KDM4B: variants seen among roughly 807,000 people sequenced by gnomAD.
The protein encoded by KDM4B is lysine demethylase 4B.
KDM4B carries 32 observed loss-of-function variants against 125.2 expected under a neutral mutation model. That is an observed-to-expected ratio of 0.26 (90% confidence interval 0.19 to 0.34). KDM4B has a LOEUF of 0.34. KDM4B is among the 10% of genes least tolerant of loss of function. KDM4B has a pLI of 1.00. For missense variants in KDM4B, 1,190 were observed against 1,577.7 expected (o/e 0.75, Z 4.16); for synonymous variants, 721 against 677.9 (o/e 1.06, Z -0.99).
At chr19:5,046,818 G>A (rs1383840804) in intron 5 of KDM4B, among the ~76,000 whole-genome samples, 2 of 152,178 alleles carry the variant, frequency 1.3e-5, no homozygotes, top group Non-Finnish European at 2.9e-5. Context: ...TTCTCCTTCC[G>A]TGTCATTGAC....
In KDM4B at chr19:5,135,372, T is replaced by A. The variant is rs1477472466; in HGVS notation, c.2119T>A (p.Ser707Thr). 1 of 1,613,238 alleles carries A rather than the reference T, an allele frequency of 6.2e-7. No homozygotes were observed. ...GACTGAGAAGGAGGCACCCATAGCC[T>A]CCCTCGGAGAGGGCTGCCCGGCCAC... ...LQTEKEAPIA[S>T]LGEGCPATLP... is the part of the protein sequence containing the mutation. Residue 707 changes from serine (S) to threonine (T), a missense_variant, in exon 15 of 23, where the codon TCC becomes ACC. Physicochemically the swap from Ser to Thr is moderately conservative, Grantham distance 58. Around this residue, in one of 7 missense-constraint regions of KDM4B, gnomAD observed 128 missense variants for 137.8 expected, o/e 0.93. Transcript: ENST00000159111.
intron 9 of KDM4B, among the ~76,000 whole-genome samples, chr19:5,104,187 C>T (rs1032218621): frequency 3.9e-5 from 6 of 152,268 alleles, no homozygotes; most frequent in Middle Eastern, 3.4e-3. Flanking sequence ...CCCTCCACCC[C>T]GGCAGCAGCA....
At chr19:5,134,965 A>G (rs576696971) in intron 14 of KDM4B, among the ~76,000 whole-genome samples, 25 of 152,218 alleles carry the variant, frequency 1.6e-4, no homozygotes, top group Non-Finnish European at 3.5e-4. Context: ...CACTTCAGAC[A>G]TGCGTCTTCC....
At chr19:5,012,144 A>G (rs1450424580) in intron 1 of KDM4B, among the ~76,000 whole-genome samples, 4 of 152,144 alleles carry the variant, frequency 2.6e-5, no homozygotes, top group African/African-American at 9.7e-5. Context: ...TAGAAGCCGC[A>G]GCAGGGTTGA....
chr19:5,035,436 C>T lies in KDM4B; in HGVS notation c.141+2405C>T, dbSNP rs962153788. On this transcript the variant is annotated intron_variant, in intron 3 of 22. Transcript: ENST00000159111. This position sits in a 1 kb window ranked among gnomAD's most constrained non-coding sequence, Gnocchi z 5.3. ...CCGTCACTTCTTCCTCATCCCTCAC[C>T]TCCCACCGGGCTCCATGCCCCGGTG... Among the ~76,000 whole-genome samples the T allele has an allele frequency of 1.3e-5, 2 of 152,176 alleles. No individual in the cohort carries two copies. The highest frequency in any genetic ancestry group is 2.9e-5 in the Non-Finnish European group (2 of 68,030).
intron 9 of KDM4B, among the ~76,000 whole-genome samples, chr19:5,093,621 C>T (rs564330728): frequency 3.0e-3 from 463 of 152,340 alleles, no homozygotes; most frequent in Non-Finnish European, 5.5e-3. Flanking sequence ...CAGATGCGGG[C>T]GCCTCTGCCC....
rs1491066895 is a variant in KDM4B at position 5,035,895 on chromosome 19, GCC to G, written c.141+2865_141+2866del. Among the ~76,000 whole-genome samples the G allele has an allele frequency of 0.011, 1,403 of 125,020 alleles. 15 individuals are homozygous for G. The highest frequency in any genetic ancestry group is 0.085 in the East Asian group (323 of 3,804). The allele number at this position is 125,020 out of a possible 152,430, so 82.0% of individuals were successfully genotyped here. A position where few individuals can be genotyped will look rare whatever the true frequency, so the allele number is the denominator to read the frequency against. On this transcript the variant is annotated intron_variant, in intron 3 of 22. Coordinates refer to ENST00000159111, the MANE Select transcript of KDM4B (RefSeq NM_015015.3). This position sits in a 1 kb window ranked among gnomAD's most constrained non-coding sequence, Gnocchi z 5.3. ...TGTGTGTGTGTGCGCGCGCGCGCGC[GCC>G]TGCGCGCACAGGAGACTGAGGTGGG...
chr19:5,071,776 T>C (rs976146387), intron 7 of KDM4B, among the ~76,000 whole-genome samples: 4 of 152,102 alleles, frequency 2.6e-5, no homozygotes, highest in African/African-American at 7.2e-5. Flanking sequence ...AGGGTCCCCA[T>C]GTCAGCGCCG....
chr19:5,127,523 G>T (rs540418386), intron 11 of KDM4B, among the ~76,000 whole-genome samples: 1 of 152,224 alleles, frequency 6.6e-6, no homozygotes, highest in Non-Finnish European at 1.5e-5. Context: ...CGTGGAGTGC[G>T]TTGAGGCTGC....
chr19:5,116,899 C>T (rs2039267454), intron 10 of KDM4B, among the ~76,000 whole-genome samples: 1 of 152,208 alleles, frequency 6.6e-6, no homozygotes, highest in African/African-American at 2.4e-5. Flanking sequence ...CCCTCAACAC[C>T]TGTGCCGGGA....
chr19:5,002,887 G>A (rs2035436123), intron 1 of KDM4B, among the ~76,000 whole-genome samples: 1 of 152,128 alleles, frequency 6.6e-6, no homozygotes, highest in African/African-American at 2.4e-5. Flanking sequence ...GGAGTTCAAG[G>A]CTGCCATGAG....
At chr19:5,053,865 G>A (rs552894472) in intron 6 of KDM4B, among the ~76,000 whole-genome samples, 3 of 152,234 alleles carry the variant, frequency 2.0e-5, no homozygotes, top group East Asian at 1.9e-4. Flanking sequence ...CCAGCGTCCC[G>A]GCTGACTGGC....
chr19:5,032,568 C>T (rs2036492359), intron 2 of KDM4B, among the ~76,000 whole-genome samples: 1 of 152,232 alleles, frequency 6.6e-6, no homozygotes, highest in Admixed American at 6.5e-5. Context: ...ATACGTAAAC[C>T]TTTCTCTCCG....
intron 9 of KDM4B, among the ~76,000 whole-genome samples, chr19:5,094,826 C>A (rs2038786189): frequency 6.6e-6 from 1 of 152,194 alleles, no homozygotes; most frequent in Non-Finnish European, 1.5e-5. Context: ...CCCTCCACTC[C>A]TCAGTCAGGC....
chr19:5,046,184 G>A (rs942144972), intron 5 of KDM4B, among the ~76,000 whole-genome samples: 16 of 152,246 alleles, frequency 1.1e-4, no homozygotes, highest in Admixed American at 2.0e-4. Context: ...GGCTGTGCCA[G>A]CCCAGGCCGA....
chr19:5,140,718 G>A (rs2039726290), intron 18 of KDM4B: 1 of 151,328 alleles, frequency 6.6e-6, no homozygotes, highest in Non-Finnish European at 1.5e-5. Flanking sequence ...CTGGGCGACA[G>A]AGTAAGACTC....
chr19:4,989,339 G>T (rs550089392), intron 1 of KDM4B, among the ~76,000 whole-genome samples: 35 of 151,162 alleles, frequency 2.3e-4, no homozygotes, highest in Middle Eastern at 3.4e-3. Context: ...GTTTTTTTTT[G>T]TTTGTTTGTT....
intron 1 of KDM4B, among the ~76,000 whole-genome samples, chr19:5,014,536 A>G (rs1269936040): frequency 1.3e-5 from 2 of 151,920 alleles, no homozygotes; most frequent in Non-Finnish European, 2.9e-5. Flanking sequence ...CGGCCTCCCA[A>G]AGTGCTGGGA....
chr19:5,074,892 G>C (rs1039844819), intron 7 of KDM4B: 1 of 152,476 alleles, frequency 6.6e-6, no homozygotes, highest in Non-Finnish European at 1.5e-5. Context: ...CGGGCTGGCC[G>C]AGGCTGTTGG....
Sources: gnomAD v4.1 joint callset for allele counts (sites outside exome capture counted in the v4.1 genomes callset) on GRCh38, gnomAD v4.1.1 for gene constraint, gnomAD v4.1.1 regional missense constraint, Gnocchi (gnomAD v3.1) non-coding constraint, MANE v1.5 for transcripts, NCBI Gene and HGNC (gene_info 2026-07-23, HGNC 2026-07-21) for gene names.